MDGA2: variants seen among roughly 807,000 people sequenced by gnomAD.
MDGA2 encodes MAM domain containing glycosylphosphatidylinositol anchor 2.
MDGA2 carries 40 observed loss-of-function variants against 117.8 expected under a neutral mutation model. That is an observed-to-expected ratio of 0.34 (90% confidence interval 0.26 to 0.44). The LOEUF is 0.44. MDGA2 is among the 20% of genes least tolerant of loss of function. MDGA2 has a pLI of 1.00. For synonymous variants in MDGA2, 452 were observed against 439.0 expected (o/e 1.03, Z -0.37); for missense variants, 1,123 against 1,250.6 (o/e 0.90, Z 1.54).
At chr14:47,567,872 T>C (rs545436474) in intron 1 of MDGA2, among the ~76,000 whole-genome samples, 20 of 152,110 alleles carry the variant, frequency 1.3e-4, no homozygotes, top group Admixed American at 5.2e-4. Context: ...TCACTATGAA[T>C]TGTCAGATTG....
intron 1 of MDGA2, among the ~76,000 whole-genome samples, chr14:47,613,477 T>TCACACA (rs200626697): frequency 8.0e-4 from 111 of 138,244 alleles, no homozygotes; most frequent in Admixed American, 1.4e-3. Flanking sequence ...TCTCTCTCTC[T>TCACACA]CTCACACACA....
intron 2 of MDGA2, among the ~76,000 whole-genome samples, chr14:47,298,161 G>A (rs1055635456): frequency 1.3e-5 from 2 of 152,072 alleles, no homozygotes; most frequent in Non-Finnish European, 1.5e-5. Flanking sequence ...GGGAGATTAC[G>A]GAACTTTTCC....
At chr14:47,222,838 T>C (rs1566688214) in intron 2 of MDGA2, among the ~76,000 whole-genome samples, 1 of 151,962 alleles carries the variant, frequency 6.6e-6, no homozygotes, top group Non-Finnish European at 1.5e-5. Context: ...AAAGAGAAAA[T>C]TAAAAGGAAA....
intron 5 of MDGA2, among the ~76,000 whole-genome samples, chr14:47,103,129 G>A (rs1250229981): frequency 3.3e-5 from 5 of 152,154 alleles, no homozygotes; most frequent in East Asian, 1.9e-4. Context: ...CTTCTGTTCC[G>A]TGACTCTACA....
intron 9 of MDGA2, among the ~76,000 whole-genome samples, chr14:46,938,111 T>C (rs1884849087): frequency 1.3e-5 from 2 of 152,142 alleles, no homozygotes; most frequent in East Asian, 1.9e-4. Context: ...CACAAAAATA[T>C]ACAATCTAAT....
At chr14:46,862,250 G>A (rs1881539533) in intron 14 of MDGA2, among the ~76,000 whole-genome samples, 1 of 151,632 alleles carries the variant, frequency 6.6e-6, no homozygotes, top group African/African-American at 2.4e-5. Flanking sequence ...CAAAAATCAG[G>A]TGCTAGAGCT....
chr14:47,157,807 T>C (rs1446693291), intron 3 of MDGA2, among the ~76,000 whole-genome samples: 1 of 152,090 alleles, frequency 6.6e-6, no homozygotes, highest in Non-Finnish European at 1.5e-5. Context: ...TGTGGTTTTA[T>C]AAGGGCTCCC....
intron 7 of MDGA2, among the ~76,000 whole-genome samples, chr14:47,036,011 T>A (rs549443278): frequency 6.6e-6 from 1 of 152,192 alleles, no homozygotes; most frequent in African/African-American, 2.4e-5. Context: ...GGCTCACGCC[T>A]GTAATCCCAG....
intron 1 of MDGA2, among the ~76,000 whole-genome samples, chr14:47,341,997 G>A (rs945538315): frequency 1.3e-5 from 2 of 151,914 alleles, no homozygotes; most frequent in African/African-American, 4.8e-5. Context: ...GCACCACCAG[G>A]CCCGGATAAT....
At chr14:47,347,364 C>T (rs1890783472) in intron 1 of MDGA2, among the ~76,000 whole-genome samples, 2 of 152,250 alleles carry the variant, frequency 1.3e-5, no homozygotes, top group Admixed American at 1.3e-4. Context: ...AGGCAGAAAA[C>T]ATGGCAATGA....
chr14:47,460,815 G>T (rs1893467381), intron 1 of MDGA2, among the ~76,000 whole-genome samples: 1 of 152,090 alleles, frequency 6.6e-6, no homozygotes, highest in Non-Finnish European at 1.5e-5. Flanking sequence ...GCCTTGGAAT[G>T]ACTCTAAAAC....
chr14:47,657,188 C>A (rs536633056), intron 1 of MDGA2, among the ~76,000 whole-genome samples: 1 of 152,204 alleles, frequency 6.6e-6, no homozygotes, highest in African/African-American at 2.4e-5. Flanking sequence ...ATAAGCCATT[C>A]TGAATATCCC....
At chr14:47,383,466 T>G (rs368983106) in intron 1 of MDGA2, among the ~76,000 whole-genome samples, 1 of 152,176 alleles carries the variant, frequency 6.6e-6, no homozygotes, top group African/African-American at 2.4e-5. Flanking sequence ...TGAAGAAATA[T>G]TAATAAAATT....
intron 1 of MDGA2, among the ~76,000 whole-genome samples, chr14:47,309,218 C>T (rs1594786889): frequency 6.6e-6 from 1 of 152,110 alleles, no homozygotes; most frequent in African/African-American, 2.4e-5. Context: ...TTAAGTCAGA[C>T]TGCAGATCAT....
Position 47,653,096 on chromosome 14 carries a change from T to A in MDGA2, c.280+21421A>T, listed in dbSNP as rs139163573. Among the ~76,000 whole-genome samples the A allele has an allele frequency of 2.6e-3, 390 of 152,248 alleles. 1 individual carries two copies. Among genetic ancestry groups the A allele is most frequent in the African/African-American group, 8.9e-3 (371 of 41,562 alleles). Reference sequence around the variant, plus strand: ...ATCCCAGTAGAACCTCAATATCCCATAAGAATCTTAGATGGACAAGAAATA... The same window carrying A: ...ATCCCAGTAGAACCTCAATATCCCAAAAGAATCTTAGATGGACAAGAAATA... On this transcript the variant is annotated intron_variant, in intron 1 of 16. Coordinates refer to ENST00000399232, the MANE Select transcript of MDGA2 (RefSeq NM_001113498.3).
At chr14:47,499,476 T>A (rs1371480010) in intron 1 of MDGA2, among the ~76,000 whole-genome samples, 1 of 152,186 alleles carries the variant, frequency 6.6e-6, no homozygotes, top group Admixed American at 6.5e-5. Context: ...AGTCACAATA[T>A]ACATAAACAC....
chr14:47,135,840 G>T (rs1882426044), intron 4 of MDGA2, among the ~76,000 whole-genome samples: 1 of 151,814 alleles, frequency 6.6e-6, no homozygotes, highest in African/African-American at 2.4e-5. Context: ...CCCATTCCTT[G>T]CTATGAGTCA....
At chr14:47,665,820 CCG>C (rs1491398042) in intron 1 of MDGA2, among the ~76,000 whole-genome samples, 8 of 133,940 alleles carry the variant, frequency 6.0e-5, no homozygotes, top group African/African-American at 2.2e-4. Context: ...CCCCTCCCCC[CCG>C]CCCCCGCCCC....
chr14:47,652,179 G>A (rs1250178339), intron 1 of MDGA2, among the ~76,000 whole-genome samples: 2 of 152,154 alleles, frequency 1.3e-5, no homozygotes, highest in African/African-American at 4.8e-5. Context: ...AAGATATACA[G>A]AAGCATTAGT....
Sources: allele counts gnomAD v4.1 joint callset (sites outside exome capture counted in the v4.1 genomes callset), GRCh38; gene constraint gnomAD v4.1.1; transcripts MANE v1.5; gene names NCBI Gene and HGNC (gene_info 2026-07-23, HGNC 2026-07-21).